TUSC3: variants seen among roughly 807,000 people sequenced by gnomAD.
TUSC3 encodes the protein dolichyl-diphosphooligosaccharide--protein glycosyltransferase subunit TUSC3.
A neutral mutation model predicts 44.8 loss-of-function variants in TUSC3; 45 were observed. The ratio of observed to expected loss-of-function variants is 1.00; its 90% CI spans 0.79 to 1.29. TUSC3 has a LOEUF of 1.29. Among genes scored for constraint, TUSC3 ranks in the 50% most tolerant of loss-of-function variants. The pLI is 0.00. For synonymous variants in TUSC3, 212 were observed against 152.9 expected (o/e 1.39, Z -2.85); for missense variants, 519 against 437.9 (o/e 1.19, Z -1.65).
At chr8:15,776,697 T>C in the TUSC3 span, among the ~76,000 whole-genome samples, 477 of 152,338 alleles carry the variant, frequency 3.1e-3, 2 homozygotes, top group Non-Finnish European at 4.6e-3. Context: ...TAATTGGCAG[T>C]GAGCTATATT....
intron 6 of TUSC3, among the ~76,000 whole-genome samples, chr8:15,693,441 CTTTTT>C (rs35915071): frequency 7.2e-5 from 7 of 96,894 alleles, no homozygotes; most frequent in Admixed American, 1.3e-4. Flanking sequence ...GTTGGAAGTT[CTTTTT>C]TTTTTTTTTT....
chr8:15,759,043 A>G (rs1029069569), intron 10 of TUSC3, among the ~76,000 whole-genome samples: 1 of 152,176 alleles, frequency 6.6e-6, no homozygotes, highest in African/African-American at 2.4e-5. Flanking sequence ...AAGGGCCACA[A>G]TGTACTTCTC....
intron 2 of TUSC3, among the ~76,000 whole-genome samples, chr8:15,505,112 T>A (rs901599122): frequency 5.9e-5 from 9 of 152,140 alleles, no homozygotes; most frequent in Admixed American, 2.0e-4. Flanking sequence ...CAGATTGCCC[T>A]CCATCCGCCA....
At chr8:15,450,009 G>A (rs1800172828) in intron 1 of TUSC3, among the ~76,000 whole-genome samples, 1 of 151,978 alleles carries the variant, frequency 6.6e-6, no homozygotes, top group Non-Finnish European at 1.5e-5. Flanking sequence ...TATCCCTCTA[G>A]GTTTTTCTAA....
intron 6 of TUSC3, among the ~76,000 whole-genome samples, chr8:15,704,692 T>C (rs1809546387): frequency 6.6e-6 from 1 of 152,110 alleles, no homozygotes; most frequent in African/African-American, 2.4e-5. Flanking sequence ...TGTCTGTCTG[T>C]ACATCCAATC....
intron 1 of TUSC3, among the ~76,000 whole-genome samples, chr8:15,549,467 C>T (rs75647069): frequency 0.032 from 4,798 of 151,674 alleles, 330 homozygotes; most frequent in East Asian, 0.23. Flanking sequence ...CCACCATGCT[C>T]GGCCTAATGT....
At chr8:15,617,235 G>T (rs1045902955) in intron 1 of TUSC3, among the ~76,000 whole-genome samples, 3 of 150,362 alleles carry the variant, frequency 2.0e-5, no homozygotes, top group Non-Finnish European at 4.4e-5. Context: ...CGCCTCCCAG[G>T]TTCAAGTGAT....
At chr8:15,740,415 A>G (rs1811139730) in intron 7 of TUSC3, among the ~76,000 whole-genome samples, 1 of 152,156 alleles carries the variant, frequency 6.6e-6, no homozygotes, top group Non-Finnish European at 1.5e-5. Context: ...ATACAAATAT[A>G]AAGGAGAATC....
chr8:15,728,599 G>A (rs934016631), intron 6 of TUSC3, among the ~76,000 whole-genome samples: 1 of 152,138 alleles, frequency 6.6e-6, no homozygotes, highest in Non-Finnish European at 1.5e-5. Flanking sequence ...CTGAGTTAGG[G>A]GAGAATGGGA....
chr8:15,524,466 C>T (rs561964364), intron 2 of TUSC3, among the ~76,000 whole-genome samples: 3 of 152,224 alleles, frequency 2.0e-5, no homozygotes, highest in East Asian at 1.9e-4. Context: ...TCCATAAACT[C>T]AGAGGCTTTG....
intron 1 of TUSC3, among the ~76,000 whole-genome samples, chr8:15,428,550 C>G (rs1006819912): frequency 6.6e-6 from 1 of 152,198 alleles, no homozygotes; most frequent in Non-Finnish European, 1.5e-5. Context: ...GCCACACCGA[C>G]TTCCACAATG....
At chr8:15,563,867 A>T (rs954493923) in intron 1 of TUSC3, among the ~76,000 whole-genome samples, 1 of 152,016 alleles carries the variant, frequency 6.6e-6, no homozygotes, top group African/African-American at 2.4e-5. Context: ...GTAGTCTCAG[A>T]ATACCTATTA....
chr8:15,458,801 T>C (rs1800299561), intron 1 of TUSC3, among the ~76,000 whole-genome samples: 1 of 152,190 alleles, frequency 6.6e-6, no homozygotes, highest in African/African-American at 2.4e-5. Context: ...AGTTTATCTT[T>C]GCAAGGACAA....
chr8:15,532,195 GT>G (rs1801459794), intron 2 of TUSC3, among the ~76,000 whole-genome samples: 1 of 151,806 alleles, frequency 6.6e-6, no homozygotes, highest in Non-Finnish European at 1.5e-5. Flanking sequence ...TGCTGTTTCT[GT>G]TCCTCTGCCT....
the TUSC3 span, among the ~76,000 whole-genome samples, chr8:15,839,801 T>C: frequency 3.3e-5 from 5 of 152,150 alleles, no homozygotes; most frequent in Admixed American, 1.3e-4. Flanking sequence ...AGTTCAACCA[T>C]TGTGGAAGAC....
chr8:15,443,159 C>T (rs898977969), intron 1 of TUSC3, among the ~76,000 whole-genome samples: 2 of 151,300 alleles, frequency 1.3e-5, no homozygotes, highest in Non-Finnish European at 2.9e-5. Flanking sequence ...TTTCTTCCTT[C>T]CTTCCTTCCT....
intron 2 of TUSC3, among the ~76,000 whole-genome samples, chr8:15,627,902 C>G (rs530954055): frequency 5.9e-5 from 9 of 152,304 alleles, no homozygotes; most frequent in African/African-American, 2.2e-4. Flanking sequence ...GACTGCCAGT[C>G]TGAGTGGACA....
At chr8:15,774,775 T>G in the TUSC3 span, among the ~76,000 whole-genome samples, 1 of 151,932 alleles carries the variant, frequency 6.6e-6, no homozygotes, top group African/African-American at 2.4e-5. Context: ...CAAAATGACA[T>G]ATCACTCTGA....
At chr8:15,640,127 A>G (rs1171518791) in intron 2 of TUSC3, among the ~76,000 whole-genome samples, 1 of 152,184 alleles carries the variant, frequency 6.6e-6, no homozygotes, top group Non-Finnish European at 1.5e-5. Flanking sequence ...AATGTGGTTA[A>G]TGCTGAACAC....
Sources: allele counts gnomAD v4.1 joint callset (sites outside exome capture counted in the v4.1 genomes callset), GRCh38; gene constraint gnomAD v4.1.1; transcripts MANE v1.5; gene names NCBI Gene and HGNC (gene_info 2026-07-23, HGNC 2026-07-21).